Variants in NUBPL observed in about 807,000 individuals in gnomAD.
The protein encoded by NUBPL is NUBP iron-sulfur cluster assembly factor, mitochondrial, also known as iron-sulfur cluster transfer protein NUBPL.
A neutral mutation model predicts 45.7 loss-of-function variants in NUBPL; 31 were observed. That is an observed-to-expected ratio of 0.68 (90% CI 0.51 to 0.92). The LOEUF (loss-of-function observed/expected upper bound fraction) is 0.92, where lower values mean the gene tolerates loss of function less well. Among genes scored for constraint, NUBPL ranks in the 40% least tolerant of loss-of-function variants. The pLI is 0.00. For synonymous variants in NUBPL, 144 were observed against 140.9 expected (o/e 1.02, Z -0.15); for missense variants, 401 against 398.7 (o/e 1.01, Z -0.05).
intron 6 of NUBPL, among the ~76,000 whole-genome samples, chr14:31,736,929 C>G (rs2038177990): frequency 1.3e-5 from 2 of 152,258 alleles, no homozygotes; most frequent in South Asian, 2.1e-4. Flanking sequence ...AAATGCATCT[C>G]CCTGTTGAGT....
Position 31,673,461 on chromosome 14 carries a change from G to A in NUBPL, c.423-23G>A. 1.9e-6 allele frequency: 3 copies of A among 1,609,334 alleles called. No individual in the cohort carries two copies. In the South Asian group the frequency reaches 3.3e-5, roughly 18 times the overall value. ...GTTGATTAATTTATACAAATTAGTTGTATTTTTATGTTACTGTTGCAGTAT... is the reference window on the plus strand; with the variant it reads ...GTTGATTAATTTATACAAATTAGTTATATTTTTATGTTACTGTTGCAGTAT... On this transcript the variant is annotated intron_variant, in intron 5 of 10. Transcript: ENST00000281081.
intron 4 of NUBPL, among the ~76,000 whole-genome samples, chr14:31,613,825 A>G (rs2034826308): frequency 6.6e-6 from 1 of 152,106 alleles, no homozygotes; most frequent in Admixed American, 6.6e-5. Flanking sequence ...TGTTGTGATT[A>G]TTACACATTG....
At chr14:31,619,101 G>T (rs550430524) in intron 4 of NUBPL, among the ~76,000 whole-genome samples, 1 of 152,112 alleles carries the variant, frequency 6.6e-6, no homozygotes, top group Non-Finnish European at 1.5e-5. Flanking sequence ...GACTAGGATC[G>T]CAACCCATGC....
At chr14:31,572,364 C>T (rs2033609377) in intron 3 of NUBPL, among the ~76,000 whole-genome samples, 1 of 152,042 alleles carries the variant, frequency 6.6e-6, no homozygotes, top group Non-Finnish European at 1.5e-5. Context: ...TGGTCTTGAT[C>T]TCCTGACCTC....
At chr14:31,754,904 C>T (rs1180239667) in intron 6 of NUBPL, among the ~76,000 whole-genome samples, 7 of 132,614 alleles carry the variant, frequency 5.3e-5, no homozygotes, top group African/African-American at 1.4e-4. Context: ...TGTGTCCATG[C>T]GTTCTCATTG....
At chr14:31,695,237 T>G (rs2037188510) in intron 6 of NUBPL, among the ~76,000 whole-genome samples, 1 of 152,244 alleles carries the variant, frequency 6.6e-6, no homozygotes, top group African/African-American at 2.4e-5. Context: ...TATTTCCTTC[T>G]ACTTAAAATG....
chr14:31,758,263 T>G (rs2038718334), intron 6 of NUBPL, among the ~76,000 whole-genome samples: 1 of 152,190 alleles, frequency 6.6e-6, no homozygotes, highest in African/African-American at 2.4e-5. Flanking sequence ...GTGAATCAAT[T>G]AAAAGTTCAT....
chr14:31,807,105 A>G (rs1439288121), intron 7 of NUBPL, among the ~76,000 whole-genome samples: 2 of 152,222 alleles, frequency 1.3e-5, no homozygotes, highest in African/African-American at 2.4e-5. Flanking sequence ...TCTTTATAGC[A>G]GCATGCTTTA....
At chr14:31,716,724 T>G (rs6571456) in intron 6 of NUBPL, among the ~76,000 whole-genome samples, 24,772 of 152,144 alleles carry the variant, frequency 0.16, 5,747 homozygotes, top group African/African-American at 0.52. Flanking sequence ...GACTGTCCTA[T>G]GGATATCTCA....
At position 31,640,280 on chromosome 14, in the gene NUBPL, G is replaced by T. The variant is rs558555955; in HGVS notation, c.383-33075G>T. ...CACTACTTTACTTCTTTAATCTTAT[G>T]CTTACCTAACCACCATACTTATGAG... On this transcript the variant is annotated intron_variant, in intron 4 of 10. Coordinates refer to ENST00000281081, the MANE Select transcript of NUBPL (RefSeq NM_025152.3). 1.2e-4 allele frequency among the ~76,000 whole-genome samples: 18 copies of T among 152,090 alleles called. No homozygotes were observed. In the East Asian group the frequency reaches 2.1e-3, roughly 18 times the overall value.
rs556860847 is a variant in NUBPL, at chr14:31,697,077, C to T, written c.513+23503C>T. Among the ~76,000 whole-genome samples, 9 of 152,262 alleles carry T rather than the reference C, an allele frequency of 5.9e-5. No individual in the cohort carries two copies. In the South Asian group the frequency reaches 1.7e-3, roughly 28 times the overall value. ...ATGTTTGGGTCGTCTTTTGTTCTGA[C>T]CAGACAGATAAACTTTTCTCATTTC... On this transcript the variant is annotated intron_variant, in intron 6 of 10. Transcript: ENST00000281081.
chr14:31,786,145 G>T (rs939252914), intron 6 of NUBPL, among the ~76,000 whole-genome samples: 2 of 151,258 alleles, frequency 1.3e-5, no homozygotes, highest in South Asian at 2.1e-4. Context: ...GTGATAGAGC[G>T]AGACCCTGTC....
At chr14:31,853,740 T>G (rs1052193132) in intron 10 of NUBPL, among the ~76,000 whole-genome samples, 2 of 152,140 alleles carry the variant, frequency 1.3e-5, no homozygotes, top group Admixed American at 6.5e-5. Context: ...CTTCTGCACA[T>G]GTACACCACT....
chr14:31,774,842 G>T (rs2039070842), intron 6 of NUBPL, among the ~76,000 whole-genome samples: 1 of 152,084 alleles, frequency 6.6e-6, no homozygotes, highest in Non-Finnish European at 1.5e-5. Flanking sequence ...CATAGAGGTT[G>T]GGCCTGGGAC....
At chr14:31,641,042 C>T (rs1489971908) in intron 4 of NUBPL, among the ~76,000 whole-genome samples, 1 of 152,064 alleles carries the variant, frequency 6.6e-6, no homozygotes, top group Non-Finnish European at 1.5e-5. Context: ...ACCTCTGCCT[C>T]CTGGGTTCAA....
chr14:31,744,885 G>A (rs890690347), intron 6 of NUBPL, among the ~76,000 whole-genome samples: 17 of 151,898 alleles, frequency 1.1e-4, no homozygotes, highest in African/African-American at 4.1e-4. Context: ...CTCCCAAAAT[G>A]CTGGGATTAC....
At chr14:31,838,742 T>C (rs959179784) in intron 8 of NUBPL, among the ~76,000 whole-genome samples, 2 of 152,222 alleles carry the variant, frequency 1.3e-5, no homozygotes, top group Admixed American at 6.5e-5. Context: ...ATAAATAACT[T>C]GTAAACTTTA....
chr14:31,770,732 C>A (rs1200618946), intron 6 of NUBPL, among the ~76,000 whole-genome samples: 1 of 152,144 alleles, frequency 6.6e-6, no homozygotes, highest in Non-Finnish European at 1.5e-5. Context: ...CTAAATTTCT[C>A]CTAAAGTTAG....
At chr14:31,786,861 A>G (rs1467260907) in intron 6 of NUBPL, among the ~76,000 whole-genome samples, 1 of 152,210 alleles carries the variant, frequency 6.6e-6, no homozygotes, top group Non-Finnish European at 1.5e-5. Flanking sequence ...AGAGTTTTAA[A>G]CAAAATGTAG....
Sources: gnomAD v4.1 joint callset for allele counts (sites outside exome capture counted in the v4.1 genomes callset) on GRCh38, gnomAD v4.1.1 for gene constraint, MANE v1.5 for transcripts, NCBI Gene and HGNC (gene_info 2026-07-23, HGNC 2026-07-21) for gene names.